The following NPTX1 variants were observed in gnomAD, a reference collection of about 807,000 sequenced individuals.
NPTX1 encodes neuronal pentraxin 1.
NPTX1 carries 12 observed loss-of-function variants against 38.7 expected under a neutral mutation model. The observed-to-expected ratio is 0.31, with a 90% confidence interval of 0.20 to 0.50. The LOEUF (loss-of-function observed/expected upper bound fraction) is 0.50. Among genes scored for constraint, NPTX1 ranks in the 20% least tolerant of loss-of-function variants. NPTX1 has a pLI of 0.98. For synonymous variants in NPTX1, 272 were observed against 264.9 expected (o/e 1.03, Z -0.26); for missense variants, 454 against 592.2 (o/e 0.77, Z 2.42).
In NPTX1 at chr17:80,468,410, C is replaced by G. The variant is rs945504225; in HGVS notation, c.*2403G>C. The G allele has an allele frequency of 1.3e-5, 2 of 152,336 alleles. No individual in the cohort carries two copies. Among genetic ancestry groups the G allele is most frequent in the Non-Finnish European group, 2.9e-5 (2 of 68,136 alleles). The allele number at this position is 152,336 out of a possible 1,614,324, so 9.4% of individuals were successfully genotyped here. Reference sequence around the variant, plus strand: ...CTGAACGGACAGCTCCCACCTGGCCCACGGGGGCAGAAGGTGGTCTGCGGT... The same window carrying G: ...CTGAACGGACAGCTCCCACCTGGCCGACGGGGGCAGAAGGTGGTCTGCGGT... On this transcript the variant is annotated 3_prime_UTR_variant, in exon 5 of 5. Transcript: ENST00000306773.
Position 80,475,905 on chromosome 17 carries a change from G to T in NPTX1, c.444+98C>A, listed in dbSNP as rs2083878421. ...GGCCGGGCACCCGCGCGGCTGAGGC[G>T]AGGGCGGGGGATGCCTGGCCGGGTA... is the stretch of plus-strand genomic sequence containing the variant. On this transcript the variant is annotated intron_variant, in intron 1 of 4. Coordinates refer to ENST00000306773, the MANE Select transcript of NPTX1 (RefSeq NM_002522.4). The surrounding 1 kb of genome is among the most constrained non-coding windows in gnomAD (Gnocchi z 6.5). 3.7e-6 allele frequency: 4 copies of T among 1,079,132 alleles called. No homozygotes were observed. The South Asian group carries it at 6.5e-5, about 18-fold the overall frequency. 66.8% of individuals were successfully genotyped at this position (1,079,132 alleles called of 1,614,324 possible).
At position 80,476,415 on chromosome 17, in the gene NPTX1, G is replaced by C. The variant is rs1333946497; in HGVS notation, c.32C>G (p.Ala11Gly). The change falls in exon 1 of 5, where the codon GCG becomes GGG. Residue 11 changes from alanine (A) to glycine (G), a missense_variant. Transcript: ENST00000306773. The surrounding 1 kb of genome is among the most constrained non-coding windows in gnomAD (Gnocchi z 6.3). ...GCCCAGGAGGCAGAGGGCGAGCAGC[G>C]CACAGGTGCGCGCGGCGCGGCCGGC... is the stretch of plus-strand genomic sequence containing the variant. Reference protein sequence around the residue: MPAGRAARTCALLALCLLGAG... With the variant: MPAGRAARTCGLLALCLLGAG... 1.4e-5 allele frequency: 20 copies of C among 1,417,732 alleles called. No individual in the cohort carries two copies. The highest frequency in any genetic ancestry group is 1.6e-5 in the Non-Finnish European group (18 of 1,096,332). 87.8% of individuals were successfully genotyped at this position (1,417,732 alleles called of 1,614,324 possible). A position where few individuals can be genotyped will look rare whatever the true frequency, so the allele number is the denominator to read the frequency against.
In NPTX1 at chr17:80,470,308, G is replaced by T. The variant is rs561824347; in HGVS notation, c.*505C>A. On this transcript the variant is annotated 3_prime_UTR_variant, in exon 5 of 5. Coordinates refer to ENST00000306773, the MANE Select transcript of NPTX1 (RefSeq NM_002522.4). ...ATAAAGATATGTCGCTCTGAGAAAG[G>T]TTTGCAAACAAAGACAAATGCGTGT... 3 of 152,682 alleles carry T rather than the reference G, an allele frequency of 2.0e-5. No individual in the cohort carries two copies. Among genetic ancestry groups the T allele is most frequent in the African/African-American group, 7.2e-5 (3 of 41,580 alleles). 9.5% of individuals were successfully genotyped at this position (152,682 alleles called of 1,614,324 possible).
rs12943620 is a variant in NPTX1, at chr17:80,470,858, T to G, written c.1254A>C (p.Gly418=). The part of the protein sequence containing the change: ...AWAESHIEIY[G]GATKWTFEAC... Reference sequence around the variant, plus strand: ...CCTCGAAGGTCCACTTGGTGGCCCCTCCGTAGATCTCGATGTGGGATTCAG... The same window carrying G: ...CCTCGAAGGTCCACTTGGTGGCCCCGCCGTAGATCTCGATGTGGGATTCAG... The change falls in exon 5 of 5, where the codon GGA becomes GGC. Residue 418 remains glycine (G), a synonymous_variant. Coordinates refer to ENST00000306773, the MANE Select transcript of NPTX1 (RefSeq NM_002522.4). The G allele has an allele frequency of 0.79, 1,263,809 of 1,606,984 alleles. 498,590 individuals are homozygous for G. The highest frequency in any genetic ancestry group is 0.95 in the African/African-American group (71,521 of 74,918).
Position 80,475,992 on chromosome 17 carries a change from C to T in NPTX1, c.444+11G>A, listed in dbSNP as rs867284085. The T allele has an allele frequency of 2.5e-6, 4 of 1,599,164 alleles. No individual in the cohort carries two copies. Among genetic ancestry groups the T allele is most frequent in the Non-Finnish European group, 3.4e-6 (4 of 1,172,872 alleles). Reference sequence around the variant, plus strand: ...CCGGAGGGGGAACCGGAGCCGAGGGCGCGCGCGGACCTCGAGGTTCTCCAG... The same window carrying T: ...CCGGAGGGGGAACCGGAGCCGAGGGTGCGCGCGGACCTCGAGGTTCTCCAG... On this transcript the variant is annotated intron_variant, in intron 1 of 4. Transcript: ENST00000306773. The surrounding 1 kb of genome is among the most constrained non-coding windows in gnomAD (Gnocchi z 6.5).
At position 80,476,275 on chromosome 17, in the gene NPTX1, C is replaced by T; in HGVS notation, c.172G>A (p.Val58Met). 1 of 1,563,666 alleles carries T rather than the reference C, an allele frequency of 6.4e-7. No individual in the cohort carries two copies. The highest frequency in any genetic ancestry group is 8.6e-7 in the Non-Finnish European group (1 of 1,163,016). The change falls in exon 1 of 5, where the codon GTG becomes ATG. Residue 58 changes from valine to methionine, a missense_variant. Val to Met is a conservative substitution (Grantham distance 21, BLOSUM62 1). Transcript: ENST00000306773. This position sits in a 1 kb window ranked among gnomAD's most constrained non-coding sequence, Gnocchi z 6.3. ...AGCACCGTCTCGCGGAGCTGCAGCA[C>T]GCTGCTCCGGAGCTCCTCGGCGCCG... ...AGGAEELRSS[V>M]LQLRETVLQQ...
rs747787629 is a variant in NPTX1 at position 80,476,159 on chromosome 17, G to A, written c.288C>T (p.Asp96=). The A allele has an allele frequency of 1.3e-6, 2 of 1,592,472 alleles. No individual in the cohort carries two copies. The highest frequency in any genetic ancestry group is 8.5e-7 in the Non-Finnish European group (1 of 1,174,562). ...LGRCESQSTL[D]PGAGEARAGG... is the part of the protein sequence containing the mutation. ...CCGCCCGGGCCTCGCCGGCTCCGGG[G>A]TCCAGCGTGCTCTGGCTCTCGCAGC... Residue 96 remains aspartate (D), a synonymous_variant, in exon 1 of 5, where the codon GAC becomes GAT. Transcript: ENST00000306773. The surrounding 1 kb of genome is among the most constrained non-coding windows in gnomAD (Gnocchi z 6.3).
rs2083851725 is a variant in NPTX1 at position 80,473,118 on chromosome 17, C to CATA, written c.897+79_897+81dup. ...GGGCCCCATCAACATCTGAGGCCAC[C>CATA]ATAGCCCTGTCTCCGCATGCAACAT... On this transcript the variant is annotated intron_variant, in intron 3 of 4. Transcript: ENST00000306773. The CATA allele has an allele frequency of 3.3e-6, 5 of 1,538,396 alleles. No homozygotes were observed. In the South Asian group the frequency reaches 4.9e-5, roughly 15 times the overall value.
chr17:80,470,657 T>C lies in NPTX1; in HGVS notation c.*156A>G. 1.7e-6 allele frequency: 1 copy of C among 581,290 alleles called. No homozygotes were observed. Among genetic ancestry groups the C allele is most frequent in the Non-Finnish European group, 3.0e-6 (1 of 328,724 alleles). 36.0% of individuals were successfully genotyped at this position (581,290 alleles called of 1,614,324 possible). A position where few individuals can be genotyped will look rare whatever the true frequency, so the allele number is the denominator to read the frequency against. On this transcript the variant is annotated 3_prime_UTR_variant, in exon 5 of 5. Transcript: ENST00000306773. ...AGATGGGAGCAGGGGCTGCTTCGTG[T>C]GCATGAGGACAAAACCAGGCTGTGT...
In NPTX1 at chr17:80,475,944, G is replaced by A; in HGVS notation, c.444+59C>T. 2 of 1,411,298 alleles carry A rather than the reference G, an allele frequency of 1.4e-6. No homozygotes were observed. The highest frequency in any genetic ancestry group is 1.7e-5 in the Admixed American group (1 of 58,076). 87.4% of individuals were successfully genotyped at this position (1,411,298 alleles called of 1,614,324 possible). ...CCTGGCCGGGTAGGGAACGGGGTGG[G>A]GGAGGGCAGAGGGGCGAGCGAGCCG... On this transcript the variant is annotated intron_variant, in intron 1 of 4. Coordinates refer to ENST00000306773, the MANE Select transcript of NPTX1 (RefSeq NM_002522.4). This position sits in a 1 kb window ranked among gnomAD's most constrained non-coding sequence, Gnocchi z 6.5.
At chr17:80,473,473 A>ACC (rs762269390) in intron 2 of NPTX1, 29 bp from the exon 3 acceptor site, 4 of 1,611,040 alleles carry the variant, frequency 2.5e-6, no homozygotes, top group Non-Finnish European at 3.4e-6. Flanking sequence ...TGACATCTGC[A>ACC]CCTGCGTGAA....
chr17:80,473,609 A>G, intron 2 of NPTX1, 165 bp from the exon 3 acceptor site: 1 of 676,120 alleles, frequency 1.5e-6, no homozygotes, highest in East Asian at 2.6e-5. Context: ...ACTTTGCCCC[A>G]AGGCACAGGG....
In NPTX1 at chr17:80,476,120, C is replaced by T; in HGVS notation, c.327G>A (p.Lys109=). The T allele has an allele frequency of 6.3e-7, 1 of 1,599,810 alleles. No homozygotes were observed. ...AGEARAGGGR[K]QPGSGKNTMG... ...TGGTGTTCTTGCCCGAGCCGGGCTG[C>T]TTGCGGCCGCCGCCCGCCCGGGCCT... Residue 109 remains lysine (K), a synonymous_variant, in exon 1 of 5, where the codon AAG becomes AAA. Coordinates refer to ENST00000306773, the MANE Select transcript of NPTX1 (RefSeq NM_002522.4). The surrounding 1 kb of genome is among the most constrained non-coding windows in gnomAD (Gnocchi z 6.3).
chr17:80,473,100 A>G (rs2083851657), intron 3 of NPTX1, 100 bp downstream of exon 3: 3 of 1,426,438 alleles, frequency 2.1e-6, no homozygotes, highest in East Asian at 4.9e-5. Context: ...TTGGGGCCCC[A>G]TCAACATCTG....
At chr17:80,471,439 G>A (rs1257511207) in intron 4 of NPTX1, among the ~76,000 whole-genome samples, 2 of 152,224 alleles carry the variant, frequency 1.3e-5, no homozygotes, top group African/African-American at 4.8e-5. Flanking sequence ...GTGCCCAACA[G>A]GAGACAAACC....
rs1304961445 is a variant in NPTX1 at position 80,467,351 on chromosome 17, A to G, written c.*3462T>C. 1 of 152,584 alleles carries G rather than the reference A, an allele frequency of 6.6e-6. No homozygotes were observed. Among genetic ancestry groups the G allele is most frequent in the African/African-American group, 2.4e-5 (1 of 41,438 alleles). The allele number at this position is 152,584 out of a possible 1,614,324, so 9.5% of individuals were successfully genotyped here. A position where few individuals can be genotyped will look rare whatever the true frequency, so the allele number is the denominator to read the frequency against. ...CACATTTGGTTGCCATAAGATTCCA[A>G]AGGATTCTATCCTCTTAATGTGAAC... On this transcript the variant is annotated 3_prime_UTR_variant, in exon 5 of 5. Transcript: ENST00000306773.
chr17:80,471,109 T>C, intron 4 of NPTX1, 75 bp from the exon 5 acceptor site: 1 of 1,169,224 alleles, frequency 8.6e-7, no homozygotes, highest in East Asian at 2.5e-5. Flanking sequence ...GCCGGGGATC[T>C]GAGTGCCTCT....
rs1568276118 is a variant in NPTX1 at position 80,475,639 on chromosome 17, C to T, written c.524G>A (p.Arg175Lys). ...LLQSKIDELE[R>K]QVLSRVNTLE... ...GGTGTTCACCCGGGACAGCACCTGC[C>T]TCTCCAGCTCATCGATCTTGCTCTG... Residue 175 changes from arginine (R) to lysine (K), a missense_variant, in exon 2 of 5, where the codon AGG (arginine) becomes AAG (lysine). Physicochemically the swap from Arg to Lys is conservative, Grantham distance 26. Coordinates refer to ENST00000306773, the MANE Select transcript of NPTX1 (RefSeq NM_002522.4). The surrounding 1 kb of genome is among the most constrained non-coding windows in gnomAD (Gnocchi z 6.5). The T allele has an allele frequency of 5.6e-6, 9 of 1,613,158 alleles. No individual in the cohort carries two copies. Among genetic ancestry groups the T allele is most frequent in the Non-Finnish European group, 7.6e-6 (9 of 1,179,794 alleles).
chr17:80,469,048 C>T lies in NPTX1; in HGVS notation c.*1765G>A, dbSNP rs146260619. On this transcript the variant is annotated 3_prime_UTR_variant, in exon 5 of 5. Coordinates refer to ENST00000306773, the MANE Select transcript of NPTX1 (RefSeq NM_002522.4). ...CGGCCGGGTACCGTGCAGACACCCA[C>T]GAGAACACTGACACAGAGACACTGA... 2.6e-5 allele frequency: 4 copies of T among 152,388 alleles called. No individual in the cohort carries two copies. The highest frequency in any genetic ancestry group is 7.2e-5 in the African/African-American group (3 of 41,462). The allele number at this position is 152,388 out of a possible 1,614,324, so 9.4% of individuals were successfully genotyped here. A position where few individuals can be genotyped will look rare whatever the true frequency, so the allele number is the denominator to read the frequency against.
Sources: allele counts gnomAD v4.1 joint callset (sites outside exome capture counted in the v4.1 genomes callset), GRCh38; gene constraint gnomAD v4.1.1; non-coding constraint Gnocchi (gnomAD v3.1); transcripts MANE v1.5; gene names NCBI Gene and HGNC (gene_info 2026-07-23, HGNC 2026-07-21).